RANBP9: variants seen among roughly 807,000 people sequenced by gnomAD.
RANBP9 encodes ran-binding protein 9.
RANBP9 carries 15 observed loss-of-function variants against 84.3 expected under a neutral mutation model. The ratio of observed to expected loss-of-function variants is 0.18; its 90% CI spans 0.12 to 0.27. The LOEUF is 0.27. RANBP9 is among the 10% of genes least tolerant of loss of function. The pLI is 1.00. For missense variants in RANBP9, 809 were observed against 912.8 expected (o/e 0.89, Z 1.46); for synonymous variants, 392 against 349.6 (o/e 1.12, Z -1.35).
intron 9 of RANBP9, among the ~76,000 whole-genome samples, chr6:13,639,108 C>A (rs970602604): frequency 6.6e-6 from 1 of 152,166 alleles, no homozygotes; most frequent in African/African-American, 2.4e-5. Context: ...GAGAACATGT[C>A]AATCTGAACC....
chr6:13,648,698 AC>A (rs766365243), intron 5 of RANBP9, among the ~76,000 whole-genome samples: 99 of 152,246 alleles, frequency 6.5e-4, no homozygotes, highest in Non-Finnish European at 1.3e-3. Context: ...GCTTTGGTCT[AC>A]ATTCGATCTC....
At chr6:13,643,780 C>T (rs1765119839) in intron 6 of RANBP9, among the ~76,000 whole-genome samples, 1 of 152,158 alleles carries the variant, frequency 6.6e-6, no homozygotes, top group African/African-American at 2.4e-5. Context: ...GTTGTCTATT[C>T]TCAACTGGGC....
At chr6:13,624,053 TAA>T (rs750295239) in intron 13 of RANBP9, among the ~76,000 whole-genome samples, 1 of 152,228 alleles carries the variant, frequency 6.6e-6, no homozygotes, top group Non-Finnish European at 1.5e-5. Context: ...GCATTATTAC[TAA>T]GTTACTTTTA....
chr6:13,668,700 T>C (rs1765706714), intron 2 of RANBP9, among the ~76,000 whole-genome samples: 1 of 152,078 alleles, frequency 6.6e-6, no homozygotes, highest in Non-Finnish European at 1.5e-5. Context: ...TGAAAAATCA[T>C]GACTCAGCAA....
intron 2 of RANBP9, among the ~76,000 whole-genome samples, chr6:13,680,758 A>G (rs952213329): frequency 2.1e-5 from 3 of 140,138 alleles, no homozygotes; most frequent in Non-Finnish European, 3.1e-5. Context: ...TCTGTCTCGG[A>G]AAAAAAAAAA....
chr6:13,698,614 G>A (rs752289757), intron 1 of RANBP9, among the ~76,000 whole-genome samples: 1 of 152,114 alleles, frequency 6.6e-6, no homozygotes, highest in Non-Finnish European at 1.5e-5. Context: ...TAGTGATAAA[G>A]TAATCCCAAA....
intron 1 of RANBP9, among the ~76,000 whole-genome samples, chr6:13,706,525 T>C (rs368064202): frequency 6.6e-6 from 1 of 151,140 alleles, no homozygotes; most frequent in African/African-American, 2.4e-5. Flanking sequence ...AAACCTCCCC[T>C]CTACTAAAAA....
intron 12 of RANBP9, among the ~76,000 whole-genome samples, chr6:13,626,333 A>G (rs1045077837): frequency 3.3e-5 from 5 of 152,310 alleles, no homozygotes; most frequent in Admixed American, 3.3e-4. Flanking sequence ...CTTCTTTTCA[A>G]ACAACTACTT....
rs186753141 is a variant in RANBP9, at chr6:13,684,152, C to T, written c.683+12633G>A. Among the ~76,000 whole-genome samples the T allele has an allele frequency of 3.6e-4, 55 of 152,246 alleles. 1 individual carries two copies. In the East Asian group the frequency reaches 9.6e-3, roughly 27 times the overall value. On this transcript the variant is annotated intron_variant, in intron 2 of 13. Coordinates refer to ENST00000011619, the MANE Select transcript of RANBP9 (RefSeq NM_005493.3). ...CCTCTACTTAGTTAACATATTTATG[C>T]AGCACCTATTTTGTGTCTGGCATTG... is the stretch of plus-strand genomic sequence containing the variant.
Position 13,637,922 on chromosome 6 carries a change from T to C in RANBP9, c.1559A>G (p.Asn520Ser). The stretch of plus-strand genomic sequence containing the variant: ...ATGGCAATATGATTGATGTGCTTTA[T>C]TTGATATTACACCATTACTACAACT... ...FESCSNGVIS[N>S]KAHQSYCHSN... The change falls in exon 10 of 14, where the codon AAT becomes AGT. Residue 520 changes from asparagine to serine, a missense_variant. Asn to Ser is a conservative substitution (Grantham distance 46). This residue lies in a region of RANBP9 where 216 missense variants were observed against 329.0 expected (regional missense o/e 0.66). Transcript: ENST00000011619. 1.2e-6 allele frequency: 2 copies of C among 1,610,182 alleles called. No individual in the cohort carries two copies. Among genetic ancestry groups the C allele is most frequent in the South Asian group, 2.2e-5 (2 of 90,578 alleles).
rs778468722 is a variant in RANBP9 at position 13,625,762 on chromosome 6, A to G, written c.1950T>C (p.Asp650=). The G allele has an allele frequency of 1.9e-6, 3 of 1,589,698 alleles. No individual in the cohort carries two copies. The Admixed American group carries it at 5.0e-5, about 27-fold the overall frequency. The change falls in exon 13 of 14, where the codon GAT becomes GAC. Residue 650 remains aspartate (D), a splice_region_variant and synonymous_variant. Transcript: ENST00000011619. ...KNTANKKMLK[D]AFSLLAYSDP... is the part of the protein sequence containing the mutation. ...CTGAATATGCTAGTAGACTGAATGC[A>G]TCCTGTTGAAAACACATCGATTTGG...
At position 13,642,462 on chromosome 6, in the gene RANBP9, C is replaced by T. The variant is rs1407878257; in HGVS notation, c.1225+17G>A. On this transcript the variant is annotated intron_variant, in intron 7 of 13. Transcript: ENST00000011619. Reference sequence around the variant, plus strand: ...AATCTGAAAACAAATGTTAGCCATGCACCACAGTGTCCTTACTTTGTCTAT... The same window carrying T: ...AATCTGAAAACAAATGTTAGCCATGTACCACAGTGTCCTTACTTTGTCTAT... The T allele has an allele frequency of 3.6e-6, 5 of 1,382,254 alleles. No homozygotes were observed. Among genetic ancestry groups the T allele is most frequent in the Non-Finnish European group, 4.9e-6 (5 of 1,012,148 alleles). 85.6% of individuals were successfully genotyped at this position (1,382,254 alleles called of 1,614,324 possible).
At chr6:13,652,733 T>A in intron 4 of RANBP9, 52 bp from the exon 5 acceptor site, 1 of 1,447,144 alleles carries the variant, frequency 6.9e-7, no homozygotes, top group Non-Finnish European at 9.5e-7. Context: ...AAGCAGACTA[T>A]ACTGACAAGC....
intron 2 of RANBP9, among the ~76,000 whole-genome samples, chr6:13,678,205 A>G (rs569692531): frequency 6.6e-6 from 1 of 152,304 alleles, no homozygotes; most frequent in Admixed American, 6.5e-5. Context: ...GTGTTTAGAA[A>G]AGGCAATCAC....
At chr6:13,625,170 G>A (rs1764566951) in intron 13 of RANBP9, among the ~76,000 whole-genome samples, 2 of 152,098 alleles carry the variant, frequency 1.3e-5, no homozygotes, top group Non-Finnish European at 2.9e-5. Context: ...TAACTCTTGT[G>A]ACAATTATTA....
In RANBP9 at chr6:13,679,054, A is replaced by T. The variant is rs141213485; in HGVS notation, c.683+17731T>A. 2.2e-4 allele frequency among the ~76,000 whole-genome samples: 33 copies of T among 152,280 alleles called. No homozygotes were observed. The East Asian group carries it at 6.2e-3, about 28-fold the overall frequency. ...TTCAAACCTAGAACATTCTGCTGTG[A>T]TTAAAAAAAAAATTTGTTCCAATTC... On this transcript the variant is annotated intron_variant, in intron 2 of 13. Transcript: ENST00000011619.
intron 1 of RANBP9, among the ~76,000 whole-genome samples, chr6:13,700,481 A>G (rs1757941359): frequency 8.0e-6 from 1 of 124,224 alleles, no homozygotes; most frequent in African/African-American, 3.2e-5. Context: ...TTTCCTTCTT[A>G]GCCTGAGTAG....
chr6:13,634,698 T>C, intron 10 of RANBP9, 146 bp from the exon 11 acceptor site: 1 of 865,474 alleles, frequency 1.2e-6, no homozygotes, highest in Non-Finnish European at 1.7e-6. Context: ...AGTTAAATCT[T>C]GAACGTATTC....
chr6:13,681,552 CCT>C (rs914630039), intron 2 of RANBP9, among the ~76,000 whole-genome samples: 2 of 151,510 alleles, frequency 1.3e-5, no homozygotes, highest in African/African-American at 4.9e-5. Context: ...TATAAATGTA[CCT>C]CTCTCAATGT....
Sources: gnomAD v4.1 joint callset for allele counts (sites outside exome capture counted in the v4.1 genomes callset) on GRCh38, gnomAD v4.1.1 for gene constraint, gnomAD v4.1.1 regional missense constraint, MANE v1.5 for transcripts, NCBI Gene and HGNC (gene_info 2026-07-23, HGNC 2026-07-21) for gene names.